ELOVL5: variants seen among roughly 807,000 people sequenced by gnomAD.
The protein encoded by ELOVL5 is ELOVL fatty acid elongase 5, also known as very long chain fatty acid elongase 5.
A neutral mutation model predicts 38.6 loss-of-function variants in ELOVL5; 8 were observed. The observed-to-expected ratio is 0.21, with a 90% CI of 0.12 to 0.37. The LOEUF is 0.37. Among genes scored for constraint, ELOVL5 ranks in the 10% least tolerant of loss-of-function variants. The probability of loss-of-function intolerance (pLI) is 1.00; values close to 1 mark genes in which losing one functional copy is unlikely to be tolerated. For synonymous variants in ELOVL5, 127 were observed against 133.7 expected, an observed-to-expected ratio of 0.95 and a Z score of 0.34; for missense variants, 280 against 367.8, an observed-to-expected ratio of 0.76 and a Z score of 1.95.
intron 3 of ELOVL5, chr6:53,287,858 T>C: frequency 1.3e-6 from 2 of 1,535,508 alleles, no homozygotes; most frequent in Non-Finnish European, 1.7e-6. Flanking sequence ...TGCACAACAC[T>C]GACCCTGTTT....
chr6:53,335,022 C>A (rs181180304), intron 1 of ELOVL5, among the ~76,000 whole-genome samples: 2 of 152,330 alleles, frequency 1.3e-5, no homozygotes, highest in African/African-American at 4.8e-5. Context: ...CATTTAAATT[C>A]TCATTCTTGG....
At position 53,271,277 on chromosome 6, in the gene ELOVL5, C is replaced by T. The variant is rs181023253; in HGVS notation, c.622-550G>A. On this transcript the variant is annotated intron_variant, in intron 6 of 7. Coordinates refer to ENST00000304434, the MANE Select transcript of ELOVL5 (RefSeq NM_021814.5). ...TAAAAAGGGCTAGGCTCAGGCCGGG[C>T]GTGGTGGCTCACGCCTGTAATTCCA... 3.8e-3 allele frequency among the ~76,000 whole-genome samples: 584 copies of T among 151,998 alleles called. 2 individuals carry two copies. Among genetic ancestry groups the T allele is most frequent in the Non-Finnish European group, 6.7e-3 (455 of 67,938 alleles).
intron 1 of ELOVL5, among the ~76,000 whole-genome samples, chr6:53,347,165 C>T (rs1769582721): frequency 6.6e-6 from 1 of 152,154 alleles, no homozygotes; most frequent in Non-Finnish European, 1.5e-5. Context: ...CATTACCTAT[C>T]TGTAACTATC....
intron 1 of ELOVL5, among the ~76,000 whole-genome samples, chr6:53,306,430 A>G (rs1767581639): frequency 6.6e-6 from 1 of 150,982 alleles, no homozygotes; most frequent in African/African-American, 2.4e-5. Context: ...TAAACATTCA[A>G]GGAAATTTCT....
At chr6:53,331,269 T>G (rs937328497) in intron 1 of ELOVL5, among the ~76,000 whole-genome samples, 2 of 152,168 alleles carry the variant, frequency 1.3e-5, no homozygotes, top group Non-Finnish European at 2.9e-5. Context: ...AAGCCTGCAG[T>G]GAGCTGTGAT....
At chr6:53,306,190 C>T (rs545688269) in intron 1 of ELOVL5, among the ~76,000 whole-genome samples, 4 of 132,478 alleles carry the variant, frequency 3.0e-5, no homozygotes, top group South Asian at 2.7e-4. Context: ...AGAGGGAGAC[C>T]GTGGAAAGGG....
At position 53,276,246 on chromosome 6, in the gene ELOVL5, C is replaced by T. The variant is rs753295496; in HGVS notation, c.257G>A (p.Gly86Glu). ...SLYMFCELVTGVWEGKYNFFC... is the reference protein window; with the variant it reads ...SLYMFCELVTEVWEGKYNFFC... ...GAAGTTGTATTTGCCTTCCCATACT[C>T]CTGTTACTAACTAAAAAAGAAGAAA... Residue 86 changes from glycine to glutamate, a missense_variant, in exon 4 of 8, where the codon GGA becomes GAA. Transcript: ENST00000304434. 1.2e-6 allele frequency: 2 copies of T among 1,610,822 alleles called. No individual in the cohort carries two copies. Among genetic ancestry groups the T allele is most frequent in the Non-Finnish European group, 1.7e-6 (2 of 1,177,062 alleles).
chr6:53,347,648 A>T (rs1359281099), intron 1 of ELOVL5, among the ~76,000 whole-genome samples: 1 of 152,082 alleles, frequency 6.6e-6, no homozygotes, highest in African/African-American at 2.4e-5. Flanking sequence ...GCTCCCCACA[A>T]ATCCCATCTA....
intron 1 of ELOVL5, among the ~76,000 whole-genome samples, chr6:53,327,406 T>C (rs1768594765): frequency 6.6e-6 from 1 of 152,146 alleles, no homozygotes; most frequent in South Asian, 2.1e-4. Flanking sequence ...CTTGAAAACA[T>C]TATGCTAAGT....
chr6:53,296,917 G>A (rs1411267590), intron 1 of ELOVL5, among the ~76,000 whole-genome samples: 1 of 152,206 alleles, frequency 6.6e-6, no homozygotes, highest in African/African-American at 2.4e-5. Flanking sequence ...GAAGCGTTAT[G>A]TATTCACTGG....
At chr6:53,331,796 G>C (rs1410488600) in intron 1 of ELOVL5, among the ~76,000 whole-genome samples, 4 of 152,166 alleles carry the variant, frequency 2.6e-5, no homozygotes, top group African/African-American at 9.7e-5. Context: ...AACTGTATTA[G>C]TCCGTTTGGT....
chr6:53,291,170 T>G (rs888182881), intron 3 of ELOVL5, among the ~76,000 whole-genome samples: 1 of 152,216 alleles, frequency 6.6e-6, no homozygotes, highest in African/African-American at 2.4e-5. Flanking sequence ...AACATTTGCC[T>G]TTGAGATCAT....
chr6:53,322,018 A>C (rs1768321682), intron 1 of ELOVL5, among the ~76,000 whole-genome samples: 1 of 152,238 alleles, frequency 6.6e-6, no homozygotes, highest in Non-Finnish European at 1.5e-5. Flanking sequence ...CAAGGAGCTA[A>C]GTCTAGTTAC....
chr6:53,328,811 G>C (rs920470404), intron 1 of ELOVL5, among the ~76,000 whole-genome samples: 9 of 152,146 alleles, frequency 5.9e-5, no homozygotes, highest in African/African-American at 2.2e-4. Context: ...GCTACACTGA[G>C]ACCTTAATCT....
chr6:53,294,496 A>C, intron 2 of ELOVL5: 1 of 1,545,246 alleles, frequency 6.5e-7, no homozygotes, highest in Non-Finnish European at 8.7e-7. Context: ...TGATACCTGG[A>C]AGTGGCAAAG....
intron 3 of ELOVL5, among the ~76,000 whole-genome samples, chr6:53,277,972 C>T (rs998768838): frequency 6.6e-5 from 10 of 151,980 alleles, no homozygotes; most frequent in Admixed American, 2.0e-4. Flanking sequence ...GGGACAACCG[C>T]GAATAAGAAA....
At chr6:53,305,281 C>A (rs1397770731) in intron 1 of ELOVL5, among the ~76,000 whole-genome samples, 1 of 135,638 alleles carries the variant, frequency 7.4e-6, no homozygotes, top group Admixed American at 7.1e-5. Flanking sequence ...GGCGGCCGGG[C>A]AGAGGCGCCC....
At chr6:53,295,980 G>A (rs1006613617) in intron 1 of ELOVL5, among the ~76,000 whole-genome samples, 16 of 152,086 alleles carry the variant, frequency 1.1e-4, no homozygotes, top group Non-Finnish European at 7.4e-5. Context: ...AACTCTTTCC[G>A]TGAAGCTGAA....
rs1053962068 is a variant in ELOVL5, at chr6:53,294,076, C to A, written c.58+1566G>T. 3.6e-5 allele frequency: 48 copies of A among 1,349,588 alleles called. No homozygotes were observed. The South Asian group carries it at 9.1e-4, about 26-fold the overall frequency. 83.6% of individuals were successfully genotyped at this position (1,349,588 alleles called of 1,614,324 possible). A position where few individuals can be genotyped will look rare whatever the true frequency, so the allele number is the denominator to read the frequency against. ...ATATATCACAAACAATAAATACACA[C>A]AAATCTCCCTATTTTAACTTAAACC... On this transcript the variant is annotated intron_variant, in intron 2 of 7. Coordinates refer to ENST00000304434, the MANE Select transcript of ELOVL5 (RefSeq NM_021814.5).
Sources: allele counts gnomAD v4.1 joint callset (sites outside exome capture counted in the v4.1 genomes callset), GRCh38; gene constraint gnomAD v4.1.1; transcripts MANE v1.5; gene names NCBI Gene and HGNC (gene_info 2026-07-23, HGNC 2026-07-21).